PLEKHA7: variants seen among roughly 807,000 people sequenced by gnomAD.
The protein encoded by PLEKHA7 is pleckstrin homology domain containing A7.
A neutral mutation model predicts 170.0 loss-of-function variants in PLEKHA7; 104 were observed. The observed-to-expected ratio is 0.61, with a 90% CI of 0.52 to 0.72. The LOEUF is 0.72. Among genes scored for constraint, PLEKHA7 ranks in the 30% least tolerant of loss-of-function variants. PLEKHA7 has a pLI of 0.00. For missense variants in PLEKHA7, 1,615 were observed against 1,671.7 expected (o/e 0.97, Z 0.59); for synonymous variants, 648 against 660.8 (o/e 0.98, Z 0.30).
chr11:16,870,273 T>C (rs1379736167), intron 4 of PLEKHA7, among the ~76,000 whole-genome samples: 1 of 152,034 alleles, frequency 6.6e-6, no homozygotes, highest in Non-Finnish European at 1.5e-5. Context: ...TTCAGCTCAG[T>C]CTGAGGGTAC....
chr11:16,992,940 C>T (rs557341126), intron 3 of PLEKHA7, among the ~76,000 whole-genome samples: 81 of 152,268 alleles, frequency 5.3e-4, no homozygotes, highest in African/African-American at 1.8e-3. Flanking sequence ...AAAAGTGCCT[C>T]ACTGGTTGTG....
intron 3 of PLEKHA7, among the ~76,000 whole-genome samples, chr11:16,878,052 C>T (rs1167597236): frequency 6.6e-6 from 1 of 152,180 alleles, no homozygotes; most frequent in Non-Finnish European, 1.5e-5. Flanking sequence ...ACTCAATACT[C>T]CTCCAGGCTT....
intron 3 of PLEKHA7, among the ~76,000 whole-genome samples, chr11:16,896,436 CT>C (rs1856998696): frequency 6.6e-6 from 1 of 152,148 alleles, no homozygotes; most frequent in South Asian, 2.1e-4. Context: ...ATCATAGCAC[CT>C]AGAAATGCTG....
intron 3 of PLEKHA7, among the ~76,000 whole-genome samples, chr11:16,905,989 C>G (rs1054335961): frequency 6.6e-6 from 1 of 152,100 alleles, no homozygotes; most frequent in Non-Finnish European, 1.5e-5. Flanking sequence ...GAGTGAGGGA[C>G]AGCTCTTCTC....
At chr11:16,891,967 G>A (rs113062315) in intron 3 of PLEKHA7, among the ~76,000 whole-genome samples, 1 of 152,342 alleles carries the variant, frequency 6.6e-6, no homozygotes, top group African/African-American at 2.4e-5. Flanking sequence ...ACTAGGATCA[G>A]TGGGTGGAGT....
At chr11:16,876,915 C>T (rs1048242731) in intron 3 of PLEKHA7, among the ~76,000 whole-genome samples, 1 of 152,130 alleles carries the variant, frequency 6.6e-6, no homozygotes, top group African/African-American at 2.4e-5. Flanking sequence ...GTGAGTGATG[C>T]TTAACAGAAC....
chr11:16,907,165 G>GC (rs1432382386), intron 3 of PLEKHA7, among the ~76,000 whole-genome samples: 1 of 108,640 alleles, frequency 9.2e-6, no homozygotes, highest in African/African-American at 3.9e-5. Flanking sequence ...GGAGGTGGGG[G>GC]GGTTAGCCCC....
chr11:16,931,467 A>AATCCCAAC (rs1859916898), intron 3 of PLEKHA7, among the ~76,000 whole-genome samples: 1 of 152,216 alleles, frequency 6.6e-6, no homozygotes, highest in South Asian at 2.1e-4. Flanking sequence ...TCACACCTGT[A>AATCCCAAC]ATCCCAACAG....
intron 3 of PLEKHA7, among the ~76,000 whole-genome samples, chr11:16,951,073 T>C (rs1861377542): frequency 6.6e-6 from 1 of 152,230 alleles, no homozygotes; most frequent in African/African-American, 2.4e-5. Context: ...GCTTGCTACG[T>C]GTCAGACAGA....
intron 3 of PLEKHA7, among the ~76,000 whole-genome samples, chr11:16,978,118 G>A (rs1863185480): frequency 1.3e-5 from 2 of 152,220 alleles, no homozygotes; most frequent in Non-Finnish European, 1.5e-5. Context: ...CTCCCCTCAA[G>A]CAGGGAGGTC....
chr11:16,825,070 CAAT>C (rs749969312), intron 10 of PLEKHA7, among the ~76,000 whole-genome samples: 27 of 152,378 alleles, frequency 1.8e-4, no homozygotes, highest in Admixed American at 2.6e-4. Flanking sequence ...TGCTCCACAA[CAAT>C]GTCTTATCAG....
intron 9 of PLEKHA7, among the ~76,000 whole-genome samples, chr11:16,833,826 C>G (rs1366704460): frequency 6.6e-6 from 1 of 152,164 alleles, no homozygotes; most frequent in African/African-American, 2.4e-5. Context: ...GAGCTAAGCA[C>G]TTTACCACCT....
chr11:16,878,605 C>T (rs1005685134), intron 3 of PLEKHA7, among the ~76,000 whole-genome samples: 5 of 152,232 alleles, frequency 3.3e-5, no homozygotes, highest in East Asian at 1.9e-4. Context: ...CTCTTTCCTC[C>T]GGATATTTGA....
At chr11:16,838,340 T>C (rs774298721) in intron 9 of PLEKHA7, among the ~76,000 whole-genome samples, 37 of 151,920 alleles carry the variant, frequency 2.4e-4, no homozygotes, top group Non-Finnish European at 4.1e-4. Flanking sequence ...AGCCTCTGTC[T>C]CTAAAAAATG....
At chr11:16,994,052 G>C (rs7122666) in intron 3 of PLEKHA7, among the ~76,000 whole-genome samples, 1 of 152,160 alleles carries the variant, frequency 6.6e-6, no homozygotes, top group Non-Finnish European at 1.5e-5. Context: ...AACTGGGGAC[G>C]ATACACACAT....
chr11:16,851,842 A>C (rs1852990383), intron 7 of PLEKHA7, among the ~76,000 whole-genome samples: 1 of 152,246 alleles, frequency 6.6e-6, no homozygotes, highest in South Asian at 2.1e-4. Flanking sequence ...AGGCCCCCTG[A>C]ACTGCTTTGA....
chr11:16,841,942 T>A (rs1206721901), intron 8 of PLEKHA7, among the ~76,000 whole-genome samples: 1 of 152,162 alleles, frequency 6.6e-6, no homozygotes, highest in Non-Finnish European at 1.5e-5. Context: ...CCTGCAGCTG[T>A]AACTGTTTCC....
intron 8 of PLEKHA7, among the ~76,000 whole-genome samples, chr11:16,850,765 A>G (rs1249541505): frequency 6.6e-6 from 1 of 152,240 alleles, no homozygotes; most frequent in Non-Finnish European, 1.5e-5. Flanking sequence ...CAAAGTGGAC[A>G]AAGCTGACAG....
At chr11:16,922,784 T>C (rs1420310813) in intron 3 of PLEKHA7, among the ~76,000 whole-genome samples, 3 of 152,104 alleles carry the variant, frequency 2.0e-5, no homozygotes, top group African/African-American at 7.2e-5. Flanking sequence ...ATCAACCAAG[T>C]ACCTCTTTTA....
Sources: gnomAD v4.1 joint callset for allele counts (sites outside exome capture counted in the v4.1 genomes callset) on GRCh38, gnomAD v4.1.1 for gene constraint, MANE v1.5 for transcripts, NCBI Gene and HGNC (gene_info 2026-07-23, HGNC 2026-07-21) for gene names.